The following DISP1 variants were observed in gnomAD, a reference collection of about 807,000 sequenced individuals.
DISP1 encodes the protein protein dispatched homolog 1.
In DISP1, 30 loss-of-function variants were observed where a neutral mutation model predicts 37.3. The ratio of observed to expected loss-of-function variants is 0.80; its 90% CI spans 0.60 to 1.09. The LOEUF (loss-of-function observed/expected upper bound fraction) is 1.09, where lower values mean the gene tolerates loss of function less well. Ranked by LOEUF, DISP1 falls within the 50% of genes least tolerant of loss-of-function variation. The pLI is 0.00. For synonymous variants in DISP1, 634 were observed against 690.2 expected, an observed-to-expected ratio of 0.92 and a Z score of 1.28; for missense variants, 1,598 against 1,879.5, an observed-to-expected ratio of 0.85 and a Z score of 2.77.
intron 2 of DISP1, among the ~76,000 whole-genome samples, chr1:222,938,804 G>A (rs1558342264): frequency 1.3e-5 from 2 of 150,874 alleles, no homozygotes; most frequent in African/African-American, 2.4e-5. Context: ...AGAGGGGGAA[G>A]GGATGATCTT....
At chr1:222,849,070 A>G (rs1435589320) in intron 1 of DISP1, among the ~76,000 whole-genome samples, 3 of 152,154 alleles carry the variant, frequency 2.0e-5, no homozygotes, top group African/African-American at 7.2e-5. Context: ...GAATGTGTGT[A>G]TACTACATAT....
chr1:222,826,856 C>T (rs1025448995), intron 1 of DISP1, among the ~76,000 whole-genome samples: 1 of 152,188 alleles, frequency 6.6e-6, no homozygotes, highest in African/African-American at 2.4e-5. Flanking sequence ...AATCTGACTT[C>T]AGAGTTTTAG....
chr1:222,940,162 C>T (rs193200310), intron 2 of DISP1, among the ~76,000 whole-genome samples: 62 of 151,830 alleles, frequency 4.1e-4, no homozygotes, highest in Middle Eastern at 6.8e-3. Flanking sequence ...TAACCTGAGA[C>T]TGGGTAATTT....
At chr1:222,848,913 T>C (rs1032440755) in intron 1 of DISP1, among the ~76,000 whole-genome samples, 5 of 152,136 alleles carry the variant, frequency 3.3e-5, no homozygotes, top group African/African-American at 9.6e-5. Context: ...CTATGCTGAC[T>C]TCCCATGAAC....
intron 1 of DISP1, chr1:222,899,646 A>G (rs1671473317): frequency 6.6e-6 from 1 of 152,162 alleles, no homozygotes; most frequent in African/African-American, 2.4e-5. Context: ...TGGCATGATC[A>G]TAGTTCGCTG....
intron 1 of DISP1, among the ~76,000 whole-genome samples, chr1:222,883,029 TAAAAG>T (rs1558310076): frequency 6.6e-6 from 1 of 152,194 alleles, no homozygotes; most frequent in South Asian, 2.1e-4. Context: ...GTACTAGTCA[TAAAAG>T]AAATGCCAGT....
intron 1 of DISP1, among the ~76,000 whole-genome samples, chr1:222,874,756 A>C (rs375756536): frequency 1.3e-5 from 2 of 151,386 alleles, no homozygotes; most frequent in Non-Finnish European, 3.0e-5. Flanking sequence ...TCCTCTCTCA[A>C]CTCGTCAAAG....
At chr1:222,909,516 T>G (rs1439230720) in intron 1 of DISP1, among the ~76,000 whole-genome samples, 1 of 152,196 alleles carries the variant, frequency 6.6e-6, no homozygotes, top group Non-Finnish European at 1.5e-5. Flanking sequence ...ATGTAAAAAT[T>G]TATCAGCATT....
intron 1 of DISP1, among the ~76,000 whole-genome samples, chr1:222,869,978 C>T (rs1302590524): frequency 6.6e-6 from 1 of 152,002 alleles, no homozygotes; most frequent in East Asian, 1.9e-4. Flanking sequence ...TGTGATGTTC[C>T]CCTTCCTGTG....
At chr1:222,851,729 A>G (rs1376929328) in intron 1 of DISP1, among the ~76,000 whole-genome samples, 3 of 151,384 alleles carry the variant, frequency 2.0e-5, no homozygotes, top group Non-Finnish European at 4.4e-5. Context: ...CCAGTTTCAA[A>G]TATTCATAAC....
intron 7 of DISP1, among the ~76,000 whole-genome samples, chr1:222,994,639 A>G (rs1446027524): frequency 1.3e-5 from 2 of 152,046 alleles, no homozygotes; most frequent in African/African-American, 2.4e-5. Flanking sequence ...TAGATTTGCT[A>G]TATAATTCAT....
Position 222,856,706 on chromosome 1 carries a change from G to GTT in DISP1, c.-159+41643_-159+41644dup, listed in dbSNP as rs11441357. Among the ~76,000 whole-genome samples the GTT allele has an allele frequency of 1.7e-3, 220 of 131,998 alleles. 4 individuals are homozygous for GTT. Among genetic ancestry groups the GTT allele is most frequent in the South Asian group, 5.0e-3 (20 of 4,034 alleles). 86.6% of individuals were successfully genotyped at this position (131,998 alleles called of 152,430 possible). On this transcript the variant is annotated intron_variant, in intron 1 of 8. Transcript: ENST00000675850. Reference sequence around the variant, plus strand: ...TATGTTTTTATGTTTATTATAATTCGTTTTTTTTTTTTTTTTGAGATGGAG... The same window carrying GTT: ...TATGTTTTTATGTTTATTATAATTCGTTTTTTTTTTTTTTTTTTGAGATGGAG...
chr1:222,965,870 T>TA lies in DISP1; in HGVS notation c.510-17201dup, dbSNP rs1211949808. Among the ~76,000 whole-genome samples, 5 of 151,370 alleles carry TA rather than the reference T, an allele frequency of 3.3e-5. 1 individual carries two copies. In the South Asian group the frequency reaches 6.3e-4, roughly 19 times the overall value. On this transcript the variant is annotated intron_variant, in intron 3 of 8. Transcript: ENST00000675850. ...GACGACACAGTGAGACCTCGTCTCTTAAAAAAAAATTACCTGGGCATGGTA... is the reference window on the plus strand; with the variant it reads ...GACGACACAGTGAGACCTCGTCTCTTAAAAAAAAAATTACCTGGGCATGGTA...
chr1:222,904,595 T>C lies in DISP1; in HGVS notation c.-158-23835T>C, dbSNP rs972422676. Among the ~76,000 whole-genome samples the C allele has an allele frequency of 4.0e-5, 6 of 151,558 alleles. 1 individual carries two copies. In the Middle Eastern group the frequency reaches 0.017, roughly 433 times the overall value. ...TTTTATTTTTTTTTTTGAGATGAAG[T>C]CTTGCTGTGTCACCTGGGCTGGAGC... On this transcript the variant is annotated intron_variant, in intron 1 of 8. Transcript: ENST00000675850.
At chr1:222,980,211 T>C (rs1355636926) in intron 3 of DISP1, among the ~76,000 whole-genome samples, 2 of 152,206 alleles carry the variant, frequency 1.3e-5, no homozygotes, top group Non-Finnish European at 2.9e-5. Flanking sequence ...CTATTAGATA[T>C]TTAAGGAATG....
intron 1 of DISP1, among the ~76,000 whole-genome samples, chr1:222,898,217 A>G (rs1439207097): frequency 6.6e-6 from 1 of 152,176 alleles, no homozygotes; most frequent in Non-Finnish European, 1.5e-5. Context: ...AGCCTGCACT[A>G]GCAGATGTAT....
At chr1:222,852,534 T>A (rs1229498462) in intron 1 of DISP1, among the ~76,000 whole-genome samples, 1 of 152,108 alleles carries the variant, frequency 6.6e-6, no homozygotes, top group Admixed American at 6.5e-5. Context: ...ACTAAAATCA[T>A]CATTCACATG....
chr1:222,999,241 T>C (rs1287996427), intron 8 of DISP1, among the ~76,000 whole-genome samples: 2 of 152,136 alleles, frequency 1.3e-5, no homozygotes, highest in African/African-American at 2.4e-5. Context: ...AACATCCATT[T>C]TGTGAATAAC....
intron 2 of DISP1, among the ~76,000 whole-genome samples, chr1:222,940,125 CAAAA>C (rs759722449): frequency 8.1e-6 from 1 of 123,598 alleles, no homozygotes; most frequent in South Asian, 2.6e-4. Context: ...GACTCCATCT[CAAAA>C]AAAAAAAGAA....
Sources: allele counts gnomAD v4.1 joint callset (sites outside exome capture counted in the v4.1 genomes callset), GRCh38; gene constraint gnomAD v4.1.1; transcripts MANE v1.5; gene names NCBI Gene and HGNC (gene_info 2026-07-23, HGNC 2026-07-21).